ADARB2: variants seen among roughly 807,000 people sequenced by gnomAD.
ADARB2 encodes adenosine deaminase RNA specific B2 (inactive).
A neutral mutation model predicts 62.2 loss-of-function variants in ADARB2; 25 were observed. The observed-to-expected ratio is 0.40, with a 90% CI of 0.29 to 0.56. The LOEUF (loss-of-function observed/expected upper bound fraction) is 0.56, where lower values mean the gene tolerates loss of function less well. Ranked by LOEUF, ADARB2 falls within the 20% of genes least tolerant of loss-of-function variation. The pLI is 0.43. For synonymous variants in ADARB2, 572 were observed against 500.8 expected (o/e 1.14, Z -1.90); for missense variants, 1,071 against 1,077.4 (o/e 0.99, Z 0.08).
chr10:1,337,209 C>A (rs1486332318), intron 3 of ADARB2, among the ~76,000 whole-genome samples: 1 of 151,948 alleles, frequency 6.6e-6, no homozygotes, highest in Non-Finnish European at 1.5e-5. Flanking sequence ...GCACTTGCCT[C>A]CATATTAAAT....
intron 1 of ADARB2, among the ~76,000 whole-genome samples, chr10:1,605,250 G>A (rs914588345): frequency 3.3e-5 from 5 of 152,162 alleles, no homozygotes; most frequent in Middle Eastern, 3.2e-3. Flanking sequence ...TGAGCGCCTC[G>A]TTCCTTCAGC....
At chr10:1,585,989 G>A (rs970468706) in intron 1 of ADARB2, among the ~76,000 whole-genome samples, 1 of 152,144 alleles carries the variant, frequency 6.6e-6, no homozygotes, top group South Asian at 2.1e-4. Flanking sequence ...AGCCAAGATA[G>A]CGCCACTGCA....
intron 1 of ADARB2, among the ~76,000 whole-genome samples, chr10:1,702,788 T>C (rs1312929448): frequency 6.6e-6 from 1 of 152,244 alleles, no homozygotes; most frequent in Non-Finnish European, 1.5e-5. Context: ...GATCTCAGAC[T>C]GGCCCTCCTT....
chr10:1,404,150 T>A (rs1158434760), intron 1 of ADARB2, among the ~76,000 whole-genome samples: 2 of 152,346 alleles, frequency 1.3e-5, no homozygotes, highest in Non-Finnish European at 2.9e-5. Flanking sequence ...TTCCTAAAGA[T>A]GAGCTCTAGA....
At chr10:1,390,835 A>C (rs1479489786) in intron 1 of ADARB2, among the ~76,000 whole-genome samples, 1 of 152,252 alleles carries the variant, frequency 6.6e-6, no homozygotes, top group Non-Finnish European at 1.5e-5. Context: ...AGCTCCAGAA[A>C]GCTGCAAGCT....
At chr10:1,597,539 A>C (rs1833351024) in intron 1 of ADARB2, among the ~76,000 whole-genome samples, 1 of 152,230 alleles carries the variant, frequency 6.6e-6, no homozygotes, top group Non-Finnish European at 1.5e-5. Flanking sequence ...ATCACTAACC[A>C]TCAGAGAAAT....
intron 4 of ADARB2, among the ~76,000 whole-genome samples, chr10:1,256,122 C>CT (rs1166828371): frequency 1.3e-5 from 2 of 152,196 alleles, no homozygotes; most frequent in Non-Finnish European, 2.9e-5. Flanking sequence ...CGAAGAGGGA[C>CT]TTGAAGCTCC....
chr10:1,523,598 C>T (rs1832102111), intron 1 of ADARB2, among the ~76,000 whole-genome samples: 1 of 152,180 alleles, frequency 6.6e-6, no homozygotes, highest in Non-Finnish European at 1.5e-5. Flanking sequence ...TCAGATTCTC[C>T]ACTCATCATT....
At chr10:1,727,955 T>A (rs1588368843) in intron 1 of ADARB2, among the ~76,000 whole-genome samples, 1 of 152,166 alleles carries the variant, frequency 6.6e-6, no homozygotes, top group South Asian at 2.1e-4. Context: ...TAAGGCAAAA[T>A]TGCAAACAGA....
At chr10:1,696,803 C>A (rs1834751847) in intron 1 of ADARB2, among the ~76,000 whole-genome samples, 1 of 152,146 alleles carries the variant, frequency 6.6e-6, no homozygotes, top group African/African-American at 2.4e-5. Flanking sequence ...ATGCAGGTGA[C>A]CCTTGGCACT....
intron 1 of ADARB2, among the ~76,000 whole-genome samples, chr10:1,670,572 C>T (rs75101532): frequency 6.6e-6 from 1 of 152,210 alleles, no homozygotes; most frequent in East Asian, 1.9e-4. Flanking sequence ...TGGCCCCGGC[C>T]CTGCCACACA....
chr10:1,423,491 G>A (rs953711822), intron 1 of ADARB2, among the ~76,000 whole-genome samples: 12 of 145,026 alleles, frequency 8.3e-5, no homozygotes, highest in African/African-American at 3.1e-4. Context: ...GGGACTCAAA[G>A]GTTCTAGGGG....
intron 1 of ADARB2, among the ~76,000 whole-genome samples, chr10:1,417,937 G>C (rs1271230364): frequency 2.0e-5 from 3 of 152,262 alleles, no homozygotes; most frequent in African/African-American, 7.2e-5. Flanking sequence ...GGCGGACAGA[G>C]ATCTGCATAT....
intron 1 of ADARB2, among the ~76,000 whole-genome samples, chr10:1,489,638 A>G (rs937599783): frequency 5.9e-5 from 9 of 152,220 alleles, no homozygotes; most frequent in Non-Finnish European, 1.3e-4. Flanking sequence ...GCTTTTGAGT[A>G]ACAATTATTA....
chr10:1,736,516 G>C (rs1317689383), intron 1 of ADARB2, among the ~76,000 whole-genome samples: 1 of 152,192 alleles, frequency 6.6e-6, no homozygotes, highest in African/African-American at 2.4e-5. Context: ...CGAGCCCTGT[G>C]TTCTCTTTAC....
intron 1 of ADARB2, among the ~76,000 whole-genome samples, chr10:1,459,794 A>T (rs527518194): frequency 6.6e-6 from 1 of 152,218 alleles, no homozygotes; most frequent in South Asian, 2.1e-4. Flanking sequence ...ACATGGACTC[A>T]GAGAGGGGAA....
At chr10:1,337,890 C>A (rs188772647) in intron 3 of ADARB2, among the ~76,000 whole-genome samples, 24 of 152,336 alleles carry the variant, frequency 1.6e-4, no homozygotes, top group African/African-American at 5.8e-4. Flanking sequence ...CTTCCCAGGT[C>A]TTGGCCCAGC....
rs367978925 is a variant in ADARB2, at chr10:1,327,744, G to A, written c.1077+35284C>T. Among the ~76,000 whole-genome samples, 2 of 31,440 alleles carry A rather than the reference G, an allele frequency of 6.4e-5. 1 individual carries two copies. The highest frequency in any genetic ancestry group is 1.6e-3 in the East Asian group (2 of 1,230). The allele number at this position is 31,440 out of a possible 152,430, so 20.6% of individuals were successfully genotyped here. ...AGTTCAGCACCTCCCACGGCACAGC[G>A]CCTCACTGCACAGCGCCTCCTCACA... On this transcript the variant is annotated intron_variant, in intron 3 of 9. Coordinates refer to ENST00000381312, the MANE Select transcript of ADARB2 (RefSeq NM_018702.4).
chr10:1,549,480 G>A (rs924157416), intron 1 of ADARB2, among the ~76,000 whole-genome samples: 6 of 152,234 alleles, frequency 3.9e-5, no homozygotes, highest in African/African-American at 1.4e-4. Flanking sequence ...GCAGGGGTGA[G>A]CAGGGTGCCC....
Sources: allele counts gnomAD v4.1 joint callset (sites outside exome capture counted in the v4.1 genomes callset), GRCh38; gene constraint gnomAD v4.1.1; transcripts MANE v1.5; gene names NCBI Gene and HGNC (gene_info 2026-07-23, HGNC 2026-07-21).